AEBP2: variants seen among roughly 807,000 people sequenced by gnomAD.
The protein encoded by AEBP2 is AE binding protein 2.
Under a neutral mutation model 50.8 loss-of-function variants are expected in AEBP2, and 10 were observed. That is an observed-to-expected ratio of 0.20 (90% CI 0.12 to 0.33). AEBP2 has a LOEUF of 0.33. Among genes scored for constraint, AEBP2 ranks in the 10% least tolerant of loss-of-function variants. AEBP2 has a pLI of 1.00. For synonymous variants in AEBP2, 296 were observed against 261.3 expected (o/e 1.13, Z -1.28); for missense variants, 570 against 688.0 (o/e 0.83, Z 1.92).
At chr12:19,444,274 C>T (rs1228679448) in intron 1 of AEBP2, among the ~76,000 whole-genome samples, 1 of 152,158 alleles carries the variant, frequency 6.6e-6, no homozygotes, top group Admixed American at 6.5e-5. Context: ...CAAATGTCAG[C>T]ACTTGTTACT....
intron 2 of AEBP2, among the ~76,000 whole-genome samples, chr12:19,464,048 G>A (rs1284653041): frequency 6.6e-6 from 1 of 152,200 alleles, no homozygotes; most frequent in Non-Finnish European, 1.5e-5. Context: ...AACTTGATAA[G>A]TATAGCAATT....
At chr12:19,474,540 C>G (rs1204684736) in intron 3 of AEBP2, among the ~76,000 whole-genome samples, 1 of 151,784 alleles carries the variant, frequency 6.6e-6, no homozygotes, top group East Asian at 1.9e-4. Context: ...GATTTTTTTT[C>G]TAGTATTTCC....
At chr12:19,494,456 AACC>A (rs1383291232) in intron 4 of AEBP2, among the ~76,000 whole-genome samples, 1 of 151,722 alleles carries the variant, frequency 6.6e-6, no homozygotes. Context: ...CAACAAAAAA[AACC>A]ACCACAAAGC....
At chr12:19,477,964 C>T (rs559637392) in intron 3 of AEBP2, among the ~76,000 whole-genome samples, 23 of 152,286 alleles carry the variant, frequency 1.5e-4, no homozygotes, top group South Asian at 4.1e-4. Flanking sequence ...TTTTCTACTT[C>T]GTGCATGTAA....
chr12:19,480,351 C>T (rs1825079195), intron 3 of AEBP2, among the ~76,000 whole-genome samples: 1 of 152,214 alleles, frequency 6.6e-6, no homozygotes, highest in African/African-American at 2.4e-5. Context: ...GTGATCTGCC[C>T]ACCTCGGCCT....
At chr12:19,461,704 T>A (rs10841234) in intron 1 of AEBP2, among the ~76,000 whole-genome samples, 63,395 of 151,832 alleles carry the variant, frequency 0.42, 14,559 homozygotes, top group Non-Finnish European at 0.54. Context: ...AGCAGTGGGA[T>A]TTCACCATGT....
At chr12:19,489,193 C>G (rs1948859945) in intron 3 of AEBP2, among the ~76,000 whole-genome samples, 1 of 152,184 alleles carries the variant, frequency 6.6e-6, no homozygotes, top group Admixed American at 6.5e-5. Flanking sequence ...CTACCTGAGA[C>G]TTAGTAATTT....
chr12:19,438,137 C>A (rs2153365656), upstream of AEBP2, among the ~76,000 whole-genome samples: 1 of 152,320 alleles, frequency 6.6e-6, no homozygotes, highest in African/African-American at 2.4e-5. Flanking sequence ...ACCTCCAGGA[C>A]ACCAAAGAAA....
chr12:19,454,390 T>A (rs1485812522), intron 1 of AEBP2, among the ~76,000 whole-genome samples: 1 of 152,134 alleles, frequency 6.6e-6, no homozygotes, highest in African/African-American at 2.4e-5. Context: ...GACCCTTAAG[T>A]GAAGGGAGGA....
At chr12:19,484,178 A>G (rs990833079) in intron 3 of AEBP2, among the ~76,000 whole-genome samples, 1 of 150,830 alleles carries the variant, frequency 6.6e-6, no homozygotes, top group South Asian at 2.1e-4. Flanking sequence ...CCACCTCCTC[A>G]GTTCAATTGA....
chr12:19,455,453 C>G (rs1948251997), intron 1 of AEBP2, among the ~76,000 whole-genome samples: 1 of 152,182 alleles, frequency 6.6e-6, no homozygotes, highest in Non-Finnish European at 1.5e-5. Flanking sequence ...TTTTGTCCTT[C>G]TCAGTCATGG....
chr12:19,464,576 T>A (rs541335371), intron 2 of AEBP2, among the ~76,000 whole-genome samples: 9 of 151,482 alleles, frequency 5.9e-5, no homozygotes, highest in African/African-American at 1.7e-4. Context: ...TTTATTTTTT[T>A]AAAATTAATT....
chr12:19,512,591 G>T, intron 6 of AEBP2, 126 bp downstream of exon 6: 1 of 684,114 alleles, frequency 1.5e-6, no homozygotes, highest in East Asian at 3.0e-5. Flanking sequence ...TTTTGAGGTT[G>T]TCAGGATTAA....
intron 5 of AEBP2, among the ~76,000 whole-genome samples, chr12:19,505,696 G>A (rs186331880): frequency 1.4e-3 from 212 of 152,342 alleles, no homozygotes; most frequent in African/African-American, 4.8e-3. Context: ...GGTGGACTAA[G>A]ACCTTAGCTT....
At chr12:19,408,150 G>C (rs1156759499) in intron 1 of AEBP2, among the ~76,000 whole-genome samples, 1 of 151,982 alleles carries the variant, frequency 6.6e-6, no homozygotes, top group East Asian at 1.9e-4. Context: ...GAATACGTAT[G>C]TGTAGCTACT....
intron 3 of AEBP2, among the ~76,000 whole-genome samples, chr12:19,489,761 A>G (rs548640804): frequency 1.4e-4 from 22 of 152,222 alleles, no homozygotes; most frequent in Non-Finnish European, 2.4e-4. Context: ...TTGATGCCTA[A>G]AATTATTTTT....
rs144430081 is a variant in AEBP2 at position 19,419,332 on chromosome 12, G to A, written c.-17+15116G>A. 8.0e-3 allele frequency among the ~76,000 whole-genome samples: 1,225 copies of A among 152,280 alleles called. 18 individuals are homozygous for A. The highest frequency in any genetic ancestry group is 0.028 in the African/African-American group (1,151 of 41,572). Reference sequence around the variant, plus strand: ...AGGCCGGGTGCGGTGGCTCATGCCTGTAATCCCAGCACATTGGGAGGCCCA... The same window carrying A: ...AGGCCGGGTGCGGTGGCTCATGCCTATAATCCCAGCACATTGGGAGGCCCA... On this transcript the variant is annotated intron_variant, in intron 1 of 3. Coordinates refer to the AEBP2 transcript ENST00000538425.
At chr12:19,440,435 G>T in intron 1 of AEBP2, 65 bp downstream of exon 1, 3 of 1,439,284 alleles carry the variant, frequency 2.1e-6, no homozygotes, top group South Asian at 3.1e-5. Flanking sequence ...CTCAGAGGGG[G>T]ACCAAGGCGA....
chr12:19,512,652 A>C (rs1444619706), intron 6 of AEBP2, among the ~76,000 whole-genome samples, 187 bp downstream of exon 6: 2 of 151,252 alleles, frequency 1.3e-5, no homozygotes, highest in African/African-American at 2.4e-5. Context: ...TTACGCTTCA[A>C]AACTTAAGCC....
Sources: allele counts gnomAD v4.1 joint callset (sites outside exome capture counted in the v4.1 genomes callset), GRCh38; gene constraint gnomAD v4.1.1; transcripts MANE v1.5; gene names NCBI Gene and HGNC (gene_info 2026-07-23, HGNC 2026-07-21).